The following PRKACB variants were observed in gnomAD, a reference collection of about 807,000 sequenced individuals.
PRKACB encodes the protein protein kinase cAMP-activated catalytic subunit beta, also known as cAMP-dependent protein kinase catalytic subunit beta.
In PRKACB, 16 loss-of-function variants were observed where a neutral mutation model predicts 51.4. The ratio of observed to expected loss-of-function variants is 0.31; its 90% CI spans 0.21 to 0.47. The LOEUF (loss-of-function observed/expected upper bound fraction) is 0.47, where lower values mean the gene tolerates loss of function less well. Among genes scored for constraint, PRKACB ranks in the 20% least tolerant of loss-of-function variants. The pLI is 1.00. For missense variants in PRKACB, 309 were observed against 464.5 expected (o/e 0.67, Z 3.08); for synonymous variants, 147 against 154.4 (o/e 0.95, Z 0.35).
intron 1 of PRKACB, among the ~76,000 whole-genome samples, chr1:84,168,327 C>A (rs1230475764): frequency 6.6e-6 from 1 of 151,522 alleles, no homozygotes; most frequent in Non-Finnish European, 1.5e-5. Flanking sequence ...ATAGGTTTCT[C>A]TGATGCTTGT....
chr1:84,226,177 A>G (rs1307900528), intron 9 of PRKACB, among the ~76,000 whole-genome samples: 1 of 152,052 alleles, frequency 6.6e-6, no homozygotes, highest in East Asian at 1.9e-4. Flanking sequence ...TTTAGAGTCA[A>G]GTTAGGTAAT....
intron 9 of PRKACB, among the ~76,000 whole-genome samples, chr1:84,231,815 T>G (rs1367886206): frequency 6.6e-6 from 1 of 152,136 alleles, no homozygotes; most frequent in Non-Finnish European, 1.5e-5. Context: ...TCTCTCTTTT[T>G]TCTTTATTAG....
intron 1 of PRKACB, chr1:84,164,252 G>A: frequency 6.9e-7 from 1 of 1,445,556 alleles, no homozygotes. Flanking sequence ...AAAAATGAAA[G>A]CTATCAGCGA....
intron 9 of PRKACB, among the ~76,000 whole-genome samples, chr1:84,218,905 T>C (rs1673260153): frequency 6.6e-6 from 1 of 152,206 alleles, no homozygotes. Context: ...TGTTGAGCAT[T>C]TTTTCATGTA....
rs776257479 is a variant in PRKACB, at chr1:84,214,349, T to C, written c.1071+32T>C. On this transcript the variant is annotated intron_variant, in intron 9 of 9. Transcript: ENST00000370685. ...CTTTCTTTTTTAATTTAAAAGCTTT[T>C]TTAAAGTTGGTGTTTAAATTATATG... is the stretch of plus-strand genomic sequence containing the variant. 3.3e-6 allele frequency: 5 copies of C among 1,520,590 alleles called. No individual in the cohort carries two copies. The African/African-American group carries it at 7.0e-5, about 21-fold the overall frequency. The allele number at this position is 1,520,590 out of a possible 1,614,324, so 94.2% of individuals were successfully genotyped here.
At chr1:84,101,319 G>T (rs1199783795) in intron 1 of PRKACB, among the ~76,000 whole-genome samples, 1 of 151,980 alleles carries the variant, frequency 6.6e-6, no homozygotes, top group African/African-American at 2.4e-5. Context: ...ATTATCTATG[G>T]TAATCTCCTT....
At chr1:84,181,671 A>G (rs761236512) in intron 2 of PRKACB, 6 of 1,515,364 alleles carry the variant, frequency 4.0e-6, no homozygotes, top group African/African-American at 2.8e-5. Flanking sequence ...TGCTGCTACT[A>G]TCTAGTTCTA....
intron 1 of PRKACB, among the ~76,000 whole-genome samples, chr1:84,096,929 A>G (rs556660531): frequency 6.6e-6 from 1 of 152,086 alleles, no homozygotes; most frequent in East Asian, 1.9e-4. Flanking sequence ...AGATGTAACC[A>G]CTATTCTTAT....
chr1:84,170,198 C>T (rs1172779784), intron 1 of PRKACB, among the ~76,000 whole-genome samples: 1 of 151,580 alleles, frequency 6.6e-6, no homozygotes, highest in Admixed American at 6.6e-5. Context: ...TTAAAATGGC[C>T]TAACAGAGAT....
intron 1 of PRKACB, among the ~76,000 whole-genome samples, chr1:84,172,524 G>A (rs1402851194): frequency 1.3e-5 from 2 of 151,646 alleles, no homozygotes; most frequent in Non-Finnish European, 1.5e-5. Flanking sequence ...GAGAAGGCAT[G>A]TACATATGAT....
At position 84,197,938 on chromosome 1, in the gene PRKACB, A is replaced by G. The variant is rs546876947; in HGVS notation, c.783+114A>G. On this transcript the variant is annotated intron_variant, in intron 7 of 9. Transcript: ENST00000370685. ...TTACATTTTTAATTTGATCTAAGTT[A>G]TGAATTTAAATCTATTTGTGCATGA... 4.6e-5 allele frequency: 32 copies of G among 692,888 alleles called. 1 individual carries two copies. In the South Asian group the frequency reaches 6.8e-4, roughly 15 times the overall value. 42.9% of individuals were successfully genotyped at this position (692,888 alleles called of 1,614,324 possible). A position where few individuals can be genotyped will look rare whatever the true frequency, so the allele number is the denominator to read the frequency against.
At chr1:84,083,279 T>C (rs1647691321) in intron 1 of PRKACB, among the ~76,000 whole-genome samples, 1 of 152,206 alleles carries the variant, frequency 6.6e-6, no homozygotes, top group East Asian at 1.9e-4. Context: ...AGCAATCAGT[T>C]ATGCAATTTT....
At chr1:84,231,371 A>T (rs1424255550) in intron 9 of PRKACB, among the ~76,000 whole-genome samples, 2 of 152,136 alleles carry the variant, frequency 1.3e-5, no homozygotes, top group East Asian at 1.9e-4. Flanking sequence ...AGGATATTGG[A>T]CTAAAATTCT....
At chr1:84,097,099 TC>T (rs1256155170) in intron 1 of PRKACB, among the ~76,000 whole-genome samples, 1 of 152,110 alleles carries the variant, frequency 6.6e-6, no homozygotes, top group Non-Finnish European at 1.5e-5. Context: ...TGTATAGTGT[TC>T]CATGGTGTGA....
intron 1 of PRKACB, among the ~76,000 whole-genome samples, chr1:84,111,316 C>G (rs1650210868): frequency 6.6e-6 from 1 of 151,926 alleles, no homozygotes; most frequent in South Asian, 2.1e-4. Flanking sequence ...GAAGCGTGCC[C>G]CAAACACAAA....
chr1:84,174,988 A>G, intron 1 of PRKACB: 1 of 1,424,266 alleles, frequency 7.0e-7, no homozygotes, highest in Non-Finnish European at 9.3e-7. Context: ...CTAATATGTT[A>G]TTCATATAAT....
At chr1:84,188,600 A>T (rs1456799331) in intron 5 of PRKACB, among the ~76,000 whole-genome samples, 1 of 151,934 alleles carries the variant, frequency 6.6e-6, no homozygotes, top group African/African-American at 2.4e-5. Context: ...ATTTCTCTGA[A>T]TTTATATAAT....
At chr1:84,086,802 C>T (rs150312946) in intron 1 of PRKACB, among the ~76,000 whole-genome samples, 1 of 152,318 alleles carries the variant, frequency 6.6e-6, no homozygotes, top group Non-Finnish European at 1.5e-5. Context: ...CCCAGCTAGC[C>T]TCCCGGGCAG....
chr1:84,082,756 A>C (rs1195559056), intron 1 of PRKACB, among the ~76,000 whole-genome samples: 1 of 152,156 alleles, frequency 6.6e-6, no homozygotes, highest in Non-Finnish European at 1.5e-5. Context: ...TGAGAAACTG[A>C]ATCTTTAACT....
Sources: gnomAD v4.1 joint callset for allele counts (sites outside exome capture counted in the v4.1 genomes callset) on GRCh38, gnomAD v4.1.1 for gene constraint, MANE v1.5 for transcripts, NCBI Gene and HGNC (gene_info 2026-07-23, HGNC 2026-07-21) for gene names.